The following CELSR1 variants were observed in gnomAD, a reference collection of about 807,000 sequenced individuals.
CELSR1 encodes adhesion G protein-coupled receptor C1.
In CELSR1, 110 loss-of-function variants were observed where a neutral mutation model predicts 249.1. That is an observed-to-expected ratio of 0.44 (90% CI 0.38 to 0.52). The LOEUF is 0.52. Ranked by LOEUF, CELSR1 falls within the 20% of genes least tolerant of loss-of-function variation. The probability of loss-of-function intolerance (pLI) is 0.00; values close to 1 mark genes in which losing one functional copy is unlikely to be tolerated. For missense variants in CELSR1, 4,109 were observed against 4,296.4 expected, an observed-to-expected ratio of 0.96 and a Z score of 1.22; for synonymous variants, 2,113 against 1,900.0, an observed-to-expected ratio of 1.11 and a Z score of -2.92.
rs1019813598 is a variant in CELSR1, at chr22:46,374,105, T to A, written c.7585-1048A>T. Among the ~76,000 whole-genome samples the A allele has an allele frequency of 6.6e-6, 1 of 152,118 alleles. No individual in the cohort carries two copies. Among genetic ancestry groups the A allele is most frequent in the Non-Finnish European group, 1.5e-5 (1 of 68,010 alleles). ...CCGAAGCAGGGAACGCAGGCTCAAG[T>A]TATGCCAGAGACAGGCCCTTTGCCT... On this transcript the variant is annotated intron_variant, in intron 24 of 34. Transcript: ENST00000674500. The surrounding 1 kb of genome is among the most constrained non-coding windows in gnomAD (Gnocchi z 4.3).
Position 46,380,896 on chromosome 22 carries a change from C to T in CELSR1, c.7148G>A (p.Gly2383Glu), listed in dbSNP as rs535107100. 2 of 1,613,498 alleles carry T rather than the reference C, an allele frequency of 1.2e-6. No individual in the cohort carries two copies. Among genetic ancestry groups the T allele is most frequent in the African/African-American group, 1.3e-5 (1 of 75,020 alleles). Residue 2383 changes from glycine to glutamate, a missense_variant, in exon 22 of 35, where the codon GGG (glycine) becomes GAG (glutamate). Transcript: ENST00000674500. This position sits in a 1 kb window ranked among gnomAD's most constrained non-coding sequence, Gnocchi z 5.1. The part of the protein sequence containing the change: ...PMVSTLVYSE[G>E]APLPRPLERP... The stretch of plus-strand genomic sequence containing the variant: ...CTCCAGGGGTCTCGGGAGCGGAGCC[C>T]CCTCGCTGTACACCAGCGTGCTCAC...
In CELSR1 at chr22:46,365,662, C is replaced by A; in HGVS notation, c.8328G>T (p.Val2776=). 1.3e-6 allele frequency: 2 copies of A among 1,584,496 alleles called. No homozygotes were observed. The highest frequency in any genetic ancestry group is 1.2e-5 in the South Asian group (1 of 86,716). Residue 2776 remains valine, a synonymous_variant, in exon 31 of 35, where the codon GTG becomes GTT. Transcript: ENST00000674500. The stretch of plus-strand genomic sequence containing the variant: ...GGCTGCCCCTCACCAGCCCAGAGGA[C>A]ACGCCGAGCTTCTGGATCCCTTCAT... ...VRDEGIQKLG[V]SSGLVRGSHG... is the part of the protein sequence containing the mutation.
In CELSR1 at chr22:46,535,648, T is replaced by G; in HGVS notation, c.1523A>C (p.Tyr508Ser). The G allele has an allele frequency of 6.2e-7, 1 of 1,613,314 alleles. No homozygotes were observed. The stretch of plus-strand genomic sequence containing the variant: ...CAGGATCCCGCTCAGCGAGTGCAGG[T>G]AGAACTGGCCGGCCACGTTCCCGCT... ...ILSGNVAGQF[Y>S]LHSLSGILDV... The change falls in exon 1 of 35, where the codon TAC becomes TCC. Residue 508 changes from tyrosine (Y) to serine (S), a missense_variant. Physicochemically the swap from Tyr to Ser is moderately radical, Grantham distance 144. Coordinates refer to ENST00000674500, the MANE Select transcript of CELSR1 (RefSeq NM_001378328.1).
intron 5 of CELSR1, among the ~76,000 whole-genome samples, chr22:46,431,874 T>C (rs2079599949): frequency 6.6e-6 from 1 of 152,212 alleles, no homozygotes; most frequent in African/African-American, 2.4e-5. Context: ...CACCAGCCCC[T>C]GCACCTCTGT....
chr22:46,534,003 C>T lies in CELSR1; in HGVS notation c.3168G>A (p.Leu1056=). The T allele has an allele frequency of 6.2e-7, 1 of 1,613,704 alleles. No individual in the cohort carries two copies. The highest frequency in any genetic ancestry group is 8.5e-7 in the Non-Finnish European group (1 of 1,180,034). Residue 1056 remains leucine, a synonymous_variant, in exon 1 of 35, where the codon CTG becomes CTA. Coordinates refer to ENST00000674500, the MANE Select transcript of CELSR1 (RefSeq NM_001378328.1). The surrounding 1 kb of genome is among the most constrained non-coding windows in gnomAD (Gnocchi z 9.7). The part of the protein sequence containing the change: ...FFQLDLLNGD[L]RAMVELDFEV... The stretch of plus-strand genomic sequence containing the variant: ...CAAAGTCCAGCTCCACCATGGCACG[C>T]AGGTCCCCGTTGAGCAGGTCCAGCT...
Position 46,398,626 on chromosome 22 carries a change from A to G in CELSR1, c.5424T>C (p.Asp1808=), listed in dbSNP as rs1256631659. ...TCAGCCCGGGAAGCATGCCCCCGAT[A>G]TCTGCCTTGTTCTGTGCGGAGAGAG... ...LDYGMDQNKA[D]IGGMLPGLTV... is the part of the protein sequence containing the mutation. The change falls in exon 11 of 35, where the codon GAT becomes GAC. Residue 1808 remains aspartate (D), a synonymous_variant. Transcript: ENST00000674500. The surrounding 1 kb of genome is among the most constrained non-coding windows in gnomAD (Gnocchi z 7.2). 6.2e-7 allele frequency: 1 copy of G among 1,613,648 alleles called. No individual in the cohort carries two copies. Among genetic ancestry groups the G allele is most frequent in the South Asian group, 1.1e-5 (1 of 91,044 alleles).
intron 27 of CELSR1, among the ~76,000 whole-genome samples, chr22:46,368,302 T>C (rs2078810411): frequency 6.6e-6 from 1 of 151,960 alleles, no homozygotes; most frequent in South Asian, 2.1e-4. Context: ...GCGCATCCCC[T>C]CCCAGGGTTC....
chr22:46,497,279 T>C (rs2080422632), intron 1 of CELSR1, among the ~76,000 whole-genome samples: 1 of 152,392 alleles, frequency 6.6e-6, no homozygotes, highest in African/African-American at 2.4e-5. Context: ...ATTTTCTTTA[T>C]ACGTAACTTT....
At position 46,400,331 on chromosome 22, in the gene CELSR1, G is replaced by GA. The variant is rs879836528; in HGVS notation, c.5227-430dup. Among the ~76,000 whole-genome samples, 403 of 138,774 alleles carry GA rather than the reference G, an allele frequency of 2.9e-3. 1 individual carries two copies. Among genetic ancestry groups the GA allele is most frequent in the South Asian group, 7.4e-3 (32 of 4,340 alleles). The allele number at this position is 138,774 out of a possible 152,430, so 91.0% of individuals were successfully genotyped here. On this transcript the variant is annotated intron_variant, in intron 9 of 34. Coordinates refer to ENST00000674500, the MANE Select transcript of CELSR1 (RefSeq NM_001378328.1). ...GTGACAGAGCGAGACTTGGTCTCGAGAAAAAAAAAAAGTTAGGCAAAGTTG... is the reference window on the plus strand; with the variant it reads ...GTGACAGAGCGAGACTTGGTCTCGAGAAAAAAAAAAAAGTTAGGCAAAGTTG...
chr22:46,477,245 T>A (rs1009439703), intron 1 of CELSR1, among the ~76,000 whole-genome samples: 1 of 152,130 alleles, frequency 6.6e-6, no homozygotes. Flanking sequence ...CTAAATATCA[T>A]GGGAGAAGCC....
chr22:46,534,241 G>T lies in CELSR1; in HGVS notation c.2930C>A (p.Thr977Asn). The part of the protein sequence containing the change: ...WALAVDRGSP[T>N]PLSASVEIQV... ...GATTTCTACCGAGGCGCTAAGGGGA[G>T]TGGGACTGCCCCGATCCACAGCCAG... The change falls in exon 1 of 35, where the codon ACT (threonine) becomes AAT (asparagine). Residue 977 changes from threonine to asparagine, a missense_variant. Coordinates refer to ENST00000674500, the MANE Select transcript of CELSR1 (RefSeq NM_001378328.1). The surrounding 1 kb of genome is among the most constrained non-coding windows in gnomAD (Gnocchi z 9.7). 1 of 1,613,704 alleles carries T rather than the reference G, an allele frequency of 6.2e-7. No individual in the cohort carries two copies.
chr22:46,491,596 G>T (rs1174658850), intron 1 of CELSR1, among the ~76,000 whole-genome samples: 1 of 148,992 alleles, frequency 6.7e-6, no homozygotes, highest in East Asian at 2.0e-4. Flanking sequence ...TTTTTCTTGT[G>T]AACTAGCAGA....
intron 13 of CELSR1, 144 bp from the exon 14 acceptor site, chr22:46,394,406 G>T (rs2079126971): frequency 2.2e-6 from 2 of 929,388 alleles, no homozygotes; most frequent in Admixed American, 2.9e-5. Flanking sequence ...CACGTTACAT[G>T]GCCTCAGTCT....
At chr22:46,364,852 G>A in intron 32 of CELSR1, 116 bp from the exon 33 acceptor site, 1 of 1,063,342 alleles carries the variant, frequency 9.4e-7, no homozygotes, top group Non-Finnish European at 1.3e-6. Context: ...GGCCTGGTAG[G>A]GCTGAACCCT....
rs771410212 is a variant in CELSR1 at position 46,411,493 on chromosome 22, C to T, written c.4769+109G>A. The T allele has an allele frequency of 3.1e-6, 4 of 1,304,490 alleles. No homozygotes were observed. Among genetic ancestry groups the T allele is most frequent in the Non-Finnish European group, 4.2e-6 (4 of 951,750 alleles). 80.8% of individuals were successfully genotyped at this position (1,304,490 alleles called of 1,614,324 possible). A position where few individuals can be genotyped will look rare whatever the true frequency, so the allele number is the denominator to read the frequency against. ...TGACTCTAGCCTGGAATGAGGTCGC[C>T]AGGGCACTGCACCCAGAGTGCCTAC... is the stretch of plus-strand genomic sequence containing the variant. On this transcript the variant is annotated intron_variant, in intron 6 of 34. Coordinates refer to ENST00000674500, the MANE Select transcript of CELSR1 (RefSeq NM_001378328.1). This position sits in a 1 kb window ranked among gnomAD's most constrained non-coding sequence, Gnocchi z 4.2.
Position 46,534,041 on chromosome 22 carries a change from G to T in CELSR1, c.3130C>A (p.Arg1044=). 1 of 1,613,686 alleles carries T rather than the reference G, an allele frequency of 6.2e-7. No individual in the cohort carries two copies. Among genetic ancestry groups the T allele is most frequent in the South Asian group, 1.1e-5 (1 of 91,082 alleles). Residue 1044 remains arginine, a synonymous_variant, in exon 1 of 35, where the codon CGG becomes AGG. Transcript: ENST00000674500. The surrounding 1 kb of genome is among the most constrained non-coding windows in gnomAD (Gnocchi z 9.7). ...AGCAGGTCCAGCTGGAAGAAATGCC[G>T]CATGTCCCCTTCCACAATCTGATAC... The part of the protein sequence containing the change: ...IMYQIVEGDM[R]HFFQLDLLNG...
At chr22:46,435,279 ATTTTTTTTTTTTTTTTTTTT>A (rs2079645700) in intron 4 of CELSR1, among the ~76,000 whole-genome samples, 1 of 108,370 alleles carries the variant, frequency 9.2e-6, no homozygotes, top group Non-Finnish European at 1.8e-5. Context: ...AAAAAAAAAA[ATTTTTTTTTTTTTTTTTTTT>A]GAGATGGAGT....
chr22:46,472,916 A>C lies in CELSR1; in HGVS notation c.3545-8571T>G, dbSNP rs373261715. On this transcript the variant is annotated intron_variant, in intron 1 of 34. Coordinates refer to ENST00000674500, the MANE Select transcript of CELSR1 (RefSeq NM_001378328.1). This position sits in a 1 kb window ranked among gnomAD's most constrained non-coding sequence, Gnocchi z 7.0. ...TCTGTCTTCTGTTCACCGCACCGGA[A>C]GCCAGTACAGCCTCATGTCAACACC... Among the ~76,000 whole-genome samples, 2 of 152,340 alleles carry C rather than the reference A, an allele frequency of 1.3e-5. No homozygotes were observed. Among genetic ancestry groups the C allele is most frequent in the South Asian group, 2.1e-4 (1 of 4,824 alleles).
chr22:46,504,869 AAT>A (rs2080499910), intron 1 of CELSR1, among the ~76,000 whole-genome samples: 1 of 152,228 alleles, frequency 6.6e-6, no homozygotes, highest in Non-Finnish European at 1.5e-5. Flanking sequence ...TGTTCCCTGA[AAT>A]GTTATATGAA....
Sources: allele counts gnomAD v4.1 joint callset (sites outside exome capture counted in the v4.1 genomes callset), GRCh38; gene constraint gnomAD v4.1.1; non-coding constraint Gnocchi (gnomAD v3.1); transcripts MANE v1.5; gene names NCBI Gene and HGNC (gene_info 2026-07-23, HGNC 2026-07-21).